ZEB1: variants seen among roughly 807,000 people sequenced by gnomAD.
ZEB1 encodes zinc finger E-box-binding homeobox 1.
Under a neutral mutation model 84.9 loss-of-function variants are expected in ZEB1, and 21 were observed. The ratio of observed to expected loss-of-function variants is 0.25; its 90% CI spans 0.18 to 0.36. The LOEUF (loss-of-function observed/expected upper bound fraction) is 0.36. Among genes scored for constraint, ZEB1 ranks in the 10% least tolerant of loss-of-function variants. ZEB1 has a pLI of 1.00. For missense variants in ZEB1, 1,104 were observed against 1,330.2 expected (o/e 0.83, Z 2.65); for synonymous variants, 420 against 471.1 (o/e 0.89, Z 1.41).
At chr10:31,514,552 A>C in intron 5 of ZEB1, 51 bp from the exon 6 acceptor site, 1 of 1,502,618 alleles carries the variant, frequency 6.7e-7, no homozygotes, top group East Asian at 2.3e-5. Flanking sequence ...GATGTTCTTT[A>C]GTCTAAAGAT....
At chr10:31,492,612 G>T (rs1333410267) in intron 2 of ZEB1, among the ~76,000 whole-genome samples, 1 of 151,856 alleles carries the variant, frequency 6.6e-6, no homozygotes, top group African/African-American at 2.4e-5. Flanking sequence ...ATTCAGTTAG[G>T]CATTTACTGT....
At chr10:31,437,018 CT>C (rs2058372924) in intron 1 of ZEB1, among the ~76,000 whole-genome samples, 2 of 152,064 alleles carry the variant, frequency 1.3e-5, no homozygotes, top group African/African-American at 4.8e-5. Flanking sequence ...ACTCAGGTAA[CT>C]TAGGTAAAAC....
Position 31,521,517 on chromosome 10 carries a change from G to A in ZEB1, c.2185G>A (p.Glu729Lys). The A allele has an allele frequency of 6.2e-7, 1 of 1,614,092 alleles. No individual in the cohort carries two copies. The highest frequency in any genetic ancestry group is 8.5e-7 in the Non-Finnish European group (1 of 1,180,010). The change falls in exon 7 of 9, where the codon GAA (glutamate) becomes AAA (lysine). Residue 729 changes from glutamate to lysine, a missense_variant. This residue lies in a region of ZEB1 where 531 missense variants were observed against 575.2 expected (regional missense o/e 0.92). Transcript: ENST00000424869. Reference protein sequence around the residue: ...GYLYTAEGAQEEPQVEPLDLS... With the variant: ...GYLYTAEGAQKEPQVEPLDLS... ...CTTGTACACAGCTGAGGGTGCACAA[G>A]AAGAGCCACAAGTAGAACCTCTTGA...
intron 1 of ZEB1, among the ~76,000 whole-genome samples, chr10:31,399,896 C>G (rs1412817777): frequency 2.6e-5 from 4 of 152,172 alleles, no homozygotes; most frequent in Admixed American, 1.3e-4. Context: ...TTAGAACATG[C>G]CAGGCAAGTT....
chr10:31,445,663 A>G (rs1253965686), intron 1 of ZEB1, among the ~76,000 whole-genome samples: 1 of 149,366 alleles, frequency 6.7e-6, no homozygotes, highest in Admixed American at 6.7e-5. Context: ...TTCTGCATCT[A>G]TTGAGATAAT....
intron 1 of ZEB1, among the ~76,000 whole-genome samples, chr10:31,360,511 G>A (rs1202226764): frequency 1.3e-5 from 2 of 152,282 alleles, no homozygotes; most frequent in African/African-American, 4.8e-5. Flanking sequence ...GGTTTAAAGG[G>A]TCAGTATCCC....
At chr10:31,363,667 C>A (rs1326706562) in intron 1 of ZEB1, 9 of 1,375,060 alleles carry the variant, frequency 6.5e-6, no homozygotes, top group Admixed American at 2.0e-5. Flanking sequence ...GTTAAACTTG[C>A]CTCTGAGACA....
chr10:31,394,386 CTAAAGTTTTTTATTA>C (rs1221751280), intron 1 of ZEB1, among the ~76,000 whole-genome samples: 1 of 151,774 alleles, frequency 6.6e-6, no homozygotes, highest in Non-Finnish European at 1.5e-5. Context: ...ATTTTTTTTT[CTAAAGTTTTTTATTA>C]ATGCCTAATA....
intron 2 of ZEB1, among the ~76,000 whole-genome samples, chr10:31,474,454 G>T (rs2063764983): frequency 6.6e-6 from 1 of 152,088 alleles, no homozygotes; most frequent in South Asian, 2.1e-4. Context: ...AAAAACACAT[G>T]AAAAAATGCT....
chr10:31,482,624 G>A (rs2065192851), intron 2 of ZEB1, among the ~76,000 whole-genome samples: 1 of 151,826 alleles, frequency 6.6e-6, no homozygotes, highest in Non-Finnish European at 1.5e-5. Context: ...CTGGTTAAAG[G>A]GTATACAAGA....
rs771929681 is a variant in ZEB1 at position 31,520,527 on chromosome 10, A to G, written c.1195A>G (p.Thr399Ala). The change falls in exon 7 of 9, where the codon ACA becomes GCA. Residue 399 changes from threonine to alanine, a missense_variant. This residue lies in a region of ZEB1 where 111 missense variants were observed against 161.8 expected (regional missense o/e 0.69). Coordinates refer to ENST00000424869, the MANE Select transcript of ZEB1 (RefSeq NM_001174096.2). This position sits in a 1 kb window ranked among gnomAD's most constrained non-coding sequence, Gnocchi z 5.1. ...QGMVQAVVLP[T>A]VGLVSPISIN... ...CATGGTGCAAGCTGTTGTTCTGCCA[A>G]CAGTTGGTTTGGTGTCTCCCATAAG... 1.4e-5 allele frequency: 22 copies of G among 1,613,746 alleles called. No homozygotes were observed. Among genetic ancestry groups the G allele is most frequent in the Non-Finnish European group, 1.8e-5 (21 of 1,179,682 alleles).
At chr10:31,479,827 A>T (rs1234476568) in intron 2 of ZEB1, among the ~76,000 whole-genome samples, 1 of 151,954 alleles carries the variant, frequency 6.6e-6, no homozygotes, top group African/African-American at 2.4e-5. Context: ...TTAAACTAGG[A>T]CATGTTTGTT....
intron 4 of ZEB1, among the ~76,000 whole-genome samples, chr10:31,507,748 G>T (rs2069233468): frequency 6.6e-6 from 1 of 151,596 alleles, no homozygotes. Context: ...TGGTTCCTTT[G>T]TGTTGCTTTT....
chr10:31,427,127 G>A (rs1248192724), intron 1 of ZEB1, among the ~76,000 whole-genome samples: 3 of 151,294 alleles, frequency 2.0e-5, no homozygotes, highest in Admixed American at 6.6e-5. Context: ...CAAGCTTGTC[G>A]TAATTCAAAA....
At chr10:31,434,864 C>T (rs1022379565) in intron 1 of ZEB1, among the ~76,000 whole-genome samples, 4 of 152,094 alleles carry the variant, frequency 2.6e-5, no homozygotes, top group African/African-American at 9.7e-5. Context: ...GTCTTATATG[C>T]CTTTGTTATG....
chr10:31,341,914 T>G (rs892187662), intron 1 of ZEB1, among the ~76,000 whole-genome samples: 5 of 152,166 alleles, frequency 3.3e-5, no homozygotes, highest in Admixed American at 2.6e-4. Flanking sequence ...GAATGTAACA[T>G]TAGTCTAGGA....
intron 1 of ZEB1, among the ~76,000 whole-genome samples, chr10:31,388,713 C>T (rs930488995): frequency 1.3e-5 from 2 of 151,750 alleles, no homozygotes; most frequent in African/African-American, 2.4e-5. Flanking sequence ...TAGAGATAAT[C>T]TATATATACG....
At chr10:31,437,517 C>T (rs1423032028) in intron 1 of ZEB1, among the ~76,000 whole-genome samples, 4 of 152,108 alleles carry the variant, frequency 2.6e-5, no homozygotes, top group Non-Finnish European at 5.9e-5. Context: ...TAATTATCCC[C>T]CTTGTTCTTT....
At chr10:31,429,733 CTTTTTTTTTTTTTT>C (rs35031058) in intron 1 of ZEB1, among the ~76,000 whole-genome samples, 1 of 79,542 alleles carries the variant, frequency 1.3e-5, no homozygotes, top group African/African-American at 6.7e-5. Flanking sequence ...ACAGGCAGAA[CTTTTTTTTTTTTTT>C]TTTTTTTTTT....
Sources: allele counts gnomAD v4.1 joint callset (sites outside exome capture counted in the v4.1 genomes callset), GRCh38; gene constraint gnomAD v4.1.1; regional missense constraint gnomAD v4.1.1; non-coding constraint Gnocchi (gnomAD v3.1); transcripts MANE v1.5; gene names NCBI Gene and HGNC (gene_info 2026-07-23, HGNC 2026-07-21).